The following CYB5R4 variants were observed in gnomAD, a reference collection of about 807,000 sequenced individuals.
CYB5R4 encodes the protein N-terminal cytochrome b5 and cytochrome b5 oxidoreductase domain-containing protein.
In CYB5R4, 55 loss-of-function variants were observed where a neutral mutation model predicts 70.2. That is an observed-to-expected ratio of 0.78 (90% confidence interval 0.63 to 0.98). The LOEUF (loss-of-function observed/expected upper bound fraction) is 0.98, where lower values mean the gene tolerates loss of function less well. Among genes scored for constraint, CYB5R4 ranks in the 50% least tolerant of loss-of-function variants. The pLI, the probability that CYB5R4 is intolerant of heterozygous loss-of-function variation, is 0.00. For missense variants in CYB5R4, 562 were observed against 612.6 expected, an observed-to-expected ratio of 0.92 and a Z score of 0.87; for synonymous variants, 197 against 199.5, an observed-to-expected ratio of 0.99 and a Z score of 0.11.
intron 3 of CYB5R4, among the ~76,000 whole-genome samples, chr6:83,900,412 G>A (rs1235469791): frequency 6.6e-6 from 1 of 152,160 alleles, no homozygotes; most frequent in African/African-American, 2.4e-5. Context: ...TGGAATAAGT[G>A]CGGTGTGGTG....
rs1460650723 is a variant in CYB5R4 at position 83,959,747 on chromosome 6, A to G, written c.1512-77A>G. ...GGGAAAATGAAAAAGTATCATGATT[A>G]TGGTGGTAAACTGCTCTTATTTCTT... On this transcript the variant is annotated intron_variant, in intron 15 of 15. Transcript: ENST00000369681. 7.4e-6 allele frequency: 9 copies of G among 1,214,598 alleles called. No homozygotes were observed. The Admixed American group carries it at 1.4e-4, about 19-fold the overall frequency. 75.2% of individuals were successfully genotyped at this position (1,214,598 alleles called of 1,614,324 possible).
At chr6:83,937,224 G>A (rs1052880840) in intron 12 of CYB5R4, among the ~76,000 whole-genome samples, 9 of 151,998 alleles carry the variant, frequency 5.9e-5, no homozygotes, top group African/African-American at 1.4e-4. Context: ...TCAGTGAGCC[G>A]AGATCGTGCC....
intron 14 of CYB5R4, among the ~76,000 whole-genome samples, chr6:83,947,437 C>G (rs2099470791): frequency 6.6e-6 from 1 of 152,070 alleles, no homozygotes; most frequent in Non-Finnish European, 1.5e-5. Context: ...AAATCTAAAA[C>G]CATAAAAACC....
intron 12 of CYB5R4, among the ~76,000 whole-genome samples, chr6:83,937,811 G>A (rs2099469161): frequency 6.6e-6 from 1 of 152,166 alleles, no homozygotes; most frequent in Non-Finnish European, 1.5e-5. Context: ...GAGCCACTGT[G>A]CCCAGCCAGT....
chr6:83,887,430 A>G lies in CYB5R4; in HGVS notation c.230-6092A>G, dbSNP rs540420272. On this transcript the variant is annotated intron_variant, in intron 2 of 15. Coordinates refer to ENST00000369681, the MANE Select transcript of CYB5R4 (RefSeq NM_016230.4). ...AACTTGTTTGAGAGCTCAGAATTCCAGATATAACACAAAAGAGGTAATTTA... is the reference window on the plus strand; with the variant it reads ...AACTTGTTTGAGAGCTCAGAATTCCGGATATAACACAAAAGAGGTAATTTA... Among the ~76,000 whole-genome samples the G allele has an allele frequency of 5.9e-5, 9 of 152,318 alleles. No individual in the cohort carries two copies. The South Asian group carries it at 1.9e-3, about 32-fold the overall frequency.
chr6:83,941,771 G>T (rs2099469802), intron 14 of CYB5R4, among the ~76,000 whole-genome samples: 1 of 152,148 alleles, frequency 6.6e-6, no homozygotes, highest in South Asian at 2.1e-4. Flanking sequence ...ATAAGTAGTT[G>T]TGTGGCATTT....
intron 10 of CYB5R4, among the ~76,000 whole-genome samples, chr6:83,926,944 G>A (rs1434188045): frequency 2.6e-5 from 4 of 152,146 alleles, no homozygotes; most frequent in Non-Finnish European, 4.4e-5. Flanking sequence ...TTATAAGCAT[G>A]TTGGTTCTTG....
At chr6:83,922,302 G>A (rs1355018256) in intron 8 of CYB5R4, 136 bp from the exon 9 acceptor site, 2 of 557,410 alleles carry the variant, frequency 3.6e-6, no homozygotes, top group Non-Finnish European at 6.3e-6. Context: ...GTGTAAAATT[G>A]TTTTGGTCTT....
intron 14 of CYB5R4, among the ~76,000 whole-genome samples, chr6:83,949,632 G>A (rs892870438): frequency 3.3e-5 from 5 of 152,132 alleles, no homozygotes; most frequent in African/African-American, 1.2e-4. Flanking sequence ...ATCCTTTGTG[G>A]AACAAGGAGA....
chr6:83,877,294 C>T lies in CYB5R4; in HGVS notation c.229+12966C>T, dbSNP rs1044583323. Among the ~76,000 whole-genome samples, 6 of 152,118 alleles carry T rather than the reference C, an allele frequency of 3.9e-5. 1 individual carries two copies. In the South Asian group the frequency reaches 1.2e-3, roughly 32 times the overall value. On this transcript the variant is annotated intron_variant, in intron 2 of 15. Coordinates refer to ENST00000369681, the MANE Select transcript of CYB5R4 (RefSeq NM_016230.4). ...CGTCAGTTTAAATATGTCACCCTAT[C>T]GTCTAGTTTGCATAGATGAGAACTC...
intron 14 of CYB5R4, among the ~76,000 whole-genome samples, chr6:83,952,416 G>T (rs2099471690): frequency 6.6e-6 from 1 of 152,096 alleles, no homozygotes; most frequent in Admixed American, 6.6e-5. Flanking sequence ...TTTTTGTGAG[G>T]GTGGGAATAT....
intron 8 of CYB5R4, among the ~76,000 whole-genome samples, chr6:83,921,418 T>C (rs997852053): frequency 6.6e-6 from 1 of 152,222 alleles, no homozygotes; most frequent in Non-Finnish European, 1.5e-5. Flanking sequence ...TATAAAATAC[T>C]TGTTGGCCCA....
chr6:83,893,647 A>G lies in CYB5R4; in HGVS notation c.330+25A>G, dbSNP rs776834820. 3.8e-6 allele frequency: 5 copies of G among 1,331,704 alleles called. No individual in the cohort carries two copies. In the East Asian group the frequency reaches 7.0e-5, roughly 19 times the overall value. 82.5% of individuals were successfully genotyped at this position (1,331,704 alleles called of 1,614,324 possible). On this transcript the variant is annotated intron_variant, in intron 3 of 15. Coordinates refer to ENST00000369681, the MANE Select transcript of CYB5R4 (RefSeq NM_016230.4). The stretch of plus-strand genomic sequence containing the variant: ...GGTAAGATGTGCTGAAAGTAACCAA[A>G]GTATTCCGGTGGAAGAGTACTCAGA...
At chr6:83,944,026 AAG>A (rs1384260088) in intron 14 of CYB5R4, among the ~76,000 whole-genome samples, 1 of 152,210 alleles carries the variant, frequency 6.6e-6, no homozygotes, top group African/African-American at 2.4e-5. Flanking sequence ...GATACTATCC[AAG>A]AGAACTTCCC....
intron 2 of CYB5R4, among the ~76,000 whole-genome samples, chr6:83,872,651 C>G (rs1404509722): frequency 8.5e-5 from 13 of 152,186 alleles, no homozygotes; most frequent in Admixed American, 8.5e-4. Flanking sequence ...TGAAGATGAT[C>G]ACAGAAACTT....
Position 83,940,223 on chromosome 6 carries a change from C to G in CYB5R4, c.1259+17C>G, listed in dbSNP as rs771091874. The G allele has an allele frequency of 1.3e-6, 2 of 1,586,728 alleles. No homozygotes were observed. Among genetic ancestry groups the G allele is most frequent in the East Asian group, 2.3e-5 (1 of 44,300 alleles). ...CAGTCTCAGGTATGTAATTTTGTCT[C>G]TAATTACGATCCTTTTTGAGGCTGT... On this transcript the variant is annotated intron_variant, in intron 13 of 15. Coordinates refer to ENST00000369681, the MANE Select transcript of CYB5R4 (RefSeq NM_016230.4).
At chr6:83,898,538 T>C (rs2099462311) in intron 3 of CYB5R4, among the ~76,000 whole-genome samples, 1 of 152,234 alleles carries the variant, frequency 6.6e-6, no homozygotes, top group Admixed American at 6.5e-5. Flanking sequence ...GCATTGAATC[T>C]ATAAATTACC....
intron 4 of CYB5R4, among the ~76,000 whole-genome samples, chr6:83,909,500 C>G (rs2099464340): frequency 6.6e-6 from 1 of 152,168 alleles, no homozygotes; most frequent in Non-Finnish European, 1.5e-5. Flanking sequence ...AACCCCTATT[C>G]TTACTTTAAA....
At chr6:83,922,383 C>A in intron 8 of CYB5R4, 55 bp from the exon 9 acceptor site, 2 of 1,489,296 alleles carry the variant, frequency 1.3e-6, no homozygotes, top group South Asian at 1.2e-5. Flanking sequence ...ATATGGTGTT[C>A]AAAAACTGTA....
Sources: gnomAD v4.1 joint callset for allele counts (sites outside exome capture counted in the v4.1 genomes callset) on GRCh38, gnomAD v4.1.1 for gene constraint, MANE v1.5 for transcripts, NCBI Gene and HGNC (gene_info 2026-07-23, HGNC 2026-07-21) for gene names.